S100A8: variants seen among roughly 807,000 people sequenced by gnomAD.
The protein encoded by S100A8 is protein S100-A8.
Under a neutral mutation model 4.2 loss-of-function variants are expected in S100A8, and 1 was observed. The ratio of observed to expected loss-of-function variants is 0.24; its 90% CI spans 0.08 to 1.12. The LOEUF is 1.12. Ranked by LOEUF, S100A8 falls within the 50% of genes most tolerant of loss-of-function variation. The pLI is 0.53. For synonymous variants in S100A8, 41 were observed against 44.7 expected (o/e 0.92, Z 0.33); for missense variants, 96 against 111.8 (o/e 0.86, Z 0.64).
chr1:153,401,358 A>C, the S100A8 span, among the ~76,000 whole-genome samples: 2 of 152,194 alleles, frequency 1.3e-5, no homozygotes, highest in Non-Finnish European at 2.9e-5. Context: ...GGCGGAAATG[A>C]ATTGAATAAC....
chr1:153,393,071 C>A (rs1376236662), upstream of S100A8, among the ~76,000 whole-genome samples: 3 of 152,180 alleles, frequency 2.0e-5, no homozygotes, highest in African/African-American at 7.2e-5. Context: ...CTAAGCCCCA[C>A]AGAGAGACAT....
chr1:153,390,716 G>C (rs1194868978), intron 1 of S100A8, 159 bp from the exon 2 acceptor site: 13 of 852,274 alleles, frequency 1.5e-5, no homozygotes, highest in Non-Finnish European at 2.2e-5. Context: ...GGGAAGGGTG[G>C]GATGATAGGG....
the S100A8 span, among the ~76,000 whole-genome samples, chr1:153,413,011 C>A: frequency 1.3e-5 from 2 of 152,108 alleles, no homozygotes; most frequent in African/African-American, 4.8e-5. Context: ...GGAGAGATAG[C>A]ATTAGGAGAT....
At chr1:153,416,462 C>A in the S100A8 span, 1 of 368,060 alleles carries the variant, frequency 2.7e-6, no homozygotes, top group South Asian at 2.6e-5. Flanking sequence ...CCCAGGCCTC[C>A]CAACCCGTGG....
chr1:153,421,837 T>G, the S100A8 span: 1 of 152,220 alleles, frequency 6.6e-6, no homozygotes, highest in Admixed American at 6.5e-5. Flanking sequence ...TCCGTCCAAT[T>G]GGCAATGGCA....
the S100A8 span, chr1:153,416,416 G>A: frequency 6.9e-6 from 2 of 289,696 alleles, no homozygotes; most frequent in African/African-American, 4.6e-5. Flanking sequence ...CACCTGATAT[G>A]GGACAAGCCT....
chr1:153,402,571 C>T, the S100A8 span, among the ~76,000 whole-genome samples: 1 of 152,116 alleles, frequency 6.6e-6, no homozygotes, highest in Non-Finnish European at 1.5e-5. Context: ...AGGCAGAGGA[C>T]AAGCCAACGA....
At chr1:153,411,699 G>C in the S100A8 span, among the ~76,000 whole-genome samples, 7 of 152,194 alleles carry the variant, frequency 4.6e-5, no homozygotes, top group Admixed American at 3.9e-4. Flanking sequence ...AAAGAACAAA[G>C]TGGGAGGCAT....
At chr1:153,403,665 A>G in the S100A8 span, among the ~76,000 whole-genome samples, 5 of 152,182 alleles carry the variant, frequency 3.3e-5, no homozygotes, top group Admixed American at 3.3e-4. Context: ...TATGTTTAAA[A>G]CATCTCCCCA....
the S100A8 span, among the ~76,000 whole-genome samples, chr1:153,415,244 A>C: frequency 6.6e-6 from 1 of 151,922 alleles, no homozygotes; most frequent in Non-Finnish European, 1.5e-5. Flanking sequence ...CATATGGGAA[A>C]CTGGGAGAGG....
chr1:153,405,456 CA>C, the S100A8 span, among the ~76,000 whole-genome samples: 1 of 151,102 alleles, frequency 6.6e-6, no homozygotes, highest in Non-Finnish European at 1.5e-5. Context: ...CACCTGACCG[CA>C]AGGCACAAGA....
the S100A8 span, chr1:153,419,320 C>A: frequency 5.5e-5 from 88 of 1,611,900 alleles, no homozygotes; most frequent in Non-Finnish European, 7.0e-5. Context: ...TCCAGCCCCA[C>A]CAAGGGGCCT....
At chr1:153,404,971 A>C in the S100A8 span, among the ~76,000 whole-genome samples, 4 of 151,946 alleles carry the variant, frequency 2.6e-5, no homozygotes, top group African/African-American at 9.7e-5. Flanking sequence ...CTCTGCACTC[A>C]GGGCCAGAGT....
the S100A8 span, among the ~76,000 whole-genome samples, chr1:153,414,610 C>T: frequency 6.6e-6 from 1 of 152,194 alleles, no homozygotes; most frequent in Non-Finnish European, 1.5e-5. Flanking sequence ...ACTGACAGCA[C>T]CAAATGCTAA....
At chr1:153,404,413 C>T in the S100A8 span, among the ~76,000 whole-genome samples, 3 of 152,138 alleles carry the variant, frequency 2.0e-5, no homozygotes, top group Admixed American at 6.5e-5. Flanking sequence ...TCTAGGGGTC[C>T]ACCAAGAGTC....
At chr1:153,412,540 A>C in the S100A8 span, among the ~76,000 whole-genome samples, 1 of 152,238 alleles carries the variant, frequency 6.6e-6, no homozygotes, top group Non-Finnish European at 1.5e-5. Context: ...GTGGGACTGT[A>C]AACTAGTTCA....
At chr1:153,399,472 T>G in the S100A8 span, among the ~76,000 whole-genome samples, 1 of 152,254 alleles carries the variant, frequency 6.6e-6, no homozygotes, top group East Asian at 1.9e-4. Context: ...AGACACACAC[T>G]TAACTACATC....
chr1:153,422,442 G>A, the S100A8 span: 28 of 877,854 alleles, frequency 3.2e-5, no homozygotes, highest in Non-Finnish European at 3.6e-5. Flanking sequence ...ACTTGATTTG[G>A]AATAATTAAT....
Position 153,390,154 on chromosome 1 carries a change from C to A in S100A8, c.231G>T (p.Lys77Asn), listed in dbSNP as rs368896295. Reference protein sequence around the residue: ...NFQEFLILVIKMGVAAHKKSH... With the variant: ...NFQEFLILVINMGVAAHKKSH... ...TTTTTTTGTGGGCTGCCACGCCCAT[C>A]TTTATCACCAGAATGAGGAACTCCT... The change falls in exon 3 of 3, where the codon AAG becomes AAT. Residue 77 changes from lysine to asparagine, a missense_variant. Lys to Asn is a moderately conservative substitution (Grantham distance 94). Coordinates refer to ENST00000368733, the MANE Select transcript of S100A8 (RefSeq NM_002964.5). The A allele has an allele frequency of 3.7e-6, 6 of 1,613,994 alleles. No homozygotes were observed. The highest frequency in any genetic ancestry group is 3.4e-6 in the Non-Finnish European group (4 of 1,180,002).
Sources: allele counts gnomAD v4.1 joint callset (sites outside exome capture counted in the v4.1 genomes callset), GRCh38; gene constraint gnomAD v4.1.1; transcripts MANE v1.5; gene names NCBI Gene and HGNC (gene_info 2026-07-23, HGNC 2026-07-21).